Variants in SLCO1B1 observed in about 807,000 individuals in gnomAD.
The protein encoded by SLCO1B1 is OATP-2.
Under a neutral mutation model 70.1 loss-of-function variants are expected in SLCO1B1, and 81 were observed. The ratio of observed to expected loss-of-function variants is 1.16; its 90% confidence interval spans 0.97 to 1.39. The LOEUF (loss-of-function observed/expected upper bound fraction) is 1.39. SLCO1B1 is among the 40% of genes most tolerant of loss of function. The pLI, the probability that SLCO1B1 is intolerant of heterozygous loss-of-function variation, is 0.00. For missense variants in SLCO1B1, 895 were observed against 799.6 expected (o/e 1.12, Z -1.44); for synonymous variants, 283 against 271.5 (o/e 1.04, Z -0.42).
intron 14 of SLCO1B1, among the ~76,000 whole-genome samples, chr12:21,237,808 G>A (rs1467037742): frequency 1.3e-5 from 2 of 151,476 alleles, no homozygotes; most frequent in East Asian, 3.9e-4. Context: ...CCCGCCTCCC[G>A]AGTTCAAGTG....
chr12:21,185,414 A>T (rs950899348), intron 7 of SLCO1B1, among the ~76,000 whole-genome samples: 1 of 152,144 alleles, frequency 6.6e-6, no homozygotes, highest in African/African-American at 2.4e-5. Context: ...ATTCTTGAAC[A>T]AAAGTGCAAT....
rs956963676 is a variant in SLCO1B1, at chr12:21,169,330, C to A, written c.85-3320C>A. Among the ~76,000 whole-genome samples the A allele has an allele frequency of 4.6e-5, 7 of 152,030 alleles. No homozygotes were observed. The East Asian group carries it at 9.6e-4, about 21-fold the overall frequency. On this transcript the variant is annotated intron_variant, in intron 2 of 14. Coordinates refer to ENST00000256958, the MANE Select transcript of SLCO1B1 (RefSeq NM_006446.5). ...GGTCCATAATTTACAAGTTTTCAGA[C>A]CTTTCTCATTTACTTCTCTTCTGGT...
intron 2 of SLCO1B1, among the ~76,000 whole-genome samples, chr12:21,146,851 T>C (rs1460062351): frequency 3.3e-5 from 5 of 152,204 alleles, no homozygotes; most frequent in Non-Finnish European, 4.4e-5. Flanking sequence ...CTGTGGTATA[T>C]ATTGGTGAAT....
chr12:21,208,778 G>C (rs1006595689), intron 11 of SLCO1B1, among the ~76,000 whole-genome samples: 2 of 152,076 alleles, frequency 1.3e-5, no homozygotes, highest in African/African-American at 4.8e-5. Context: ...TTTTCCACTT[G>C]TTTGTGTCAC....
intron 7 of SLCO1B1, among the ~76,000 whole-genome samples, chr12:21,180,135 C>T (rs987557590): frequency 6.6e-6 from 1 of 151,994 alleles, no homozygotes; most frequent in Admixed American, 6.6e-5. Context: ...CTTATTAGTA[C>T]CTAAAGCACA....
In SLCO1B1 at chr12:21,185,303, T is replaced by C. The variant is rs368764276; in HGVS notation, c.727+6283T>C. ...AATACTCCACCCAGCACTATCAGAA[T>C]ATGCTTTCTTCTCATCTGCATATAG... On this transcript the variant is annotated intron_variant, in intron 7 of 14. Transcript: ENST00000256958. 3.9e-4 allele frequency among the ~76,000 whole-genome samples: 60 copies of C among 152,256 alleles called. No homozygotes were observed. The East Asian group carries it at 0.011, about 27-fold the overall frequency.
At chr12:21,230,572 C>T (rs11045882) in intron 14 of SLCO1B1, among the ~76,000 whole-genome samples, 60,070 of 151,644 alleles carry the variant, frequency 0.4, 12,107 homozygotes, top group East Asian at 0.45. Flanking sequence ...TCAGGTGATC[C>T]GCCCACCTCG....
intron 2 of SLCO1B1, among the ~76,000 whole-genome samples, chr12:21,149,604 G>T (rs1249466849): frequency 6.6e-6 from 1 of 152,128 alleles, no homozygotes; most frequent in Non-Finnish European, 1.5e-5. Flanking sequence ...CAAGTTGTCA[G>T]GAAACTTCCT....
intron 13 of SLCO1B1, among the ~76,000 whole-genome samples, chr12:21,223,739 A>G (rs1941455222): frequency 7.4e-6 from 1 of 134,296 alleles, no homozygotes; most frequent in African/African-American, 2.6e-5. Flanking sequence ...ATTCACCACA[A>G]TACAAAAAAA....
chr12:21,194,519 C>A (rs1941069983), intron 7 of SLCO1B1, among the ~76,000 whole-genome samples: 1 of 151,882 alleles, frequency 6.6e-6, no homozygotes, highest in East Asian at 1.9e-4. Context: ...TATTTGAGAC[C>A]TTTTCAGCAT....
intron 2 of SLCO1B1, among the ~76,000 whole-genome samples, chr12:21,161,721 TA>T (rs200985246): frequency 1.5e-4 from 22 of 148,592 alleles, no homozygotes; most frequent in East Asian, 5.9e-4. Context: ...AATGTCAAAT[TA>T]AAAAAAAAAG....
rs570213073 is a variant in SLCO1B1 at position 21,203,229 on chromosome 12, GT to G, written c.1331+550del. ...ATTTTCTTTTTTGCAAGCTAATATTGTTTTTTTCTGATATTATCTACATTGG... is the reference window on the plus strand; with the variant it reads ...ATTTTCTTTTTTGCAAGCTAATATTGTTTTTTCTGATATTATCTACATTGG... On this transcript the variant is annotated intron_variant, in intron 10 of 14. Coordinates refer to ENST00000256958, the MANE Select transcript of SLCO1B1 (RefSeq NM_006446.5). 2.3e-3 allele frequency among the ~76,000 whole-genome samples: 350 copies of G among 151,872 alleles called. 3 individuals carry two copies. The highest frequency in any genetic ancestry group is 0.01 in the Middle Eastern group (3 of 292).
At chr12:21,184,098 T>C (rs1940936248) in intron 7 of SLCO1B1, among the ~76,000 whole-genome samples, 2 of 152,052 alleles carry the variant, frequency 1.3e-5, no homozygotes. Flanking sequence ...TTGGTTTCCT[T>C]CTGTAAAGAA....
intron 12 of SLCO1B1, 31 bp from the exon 13 acceptor site, chr12:21,222,269 T>G (rs1941430171): frequency 1.2e-5 from 15 of 1,200,670 alleles, no homozygotes; most frequent in Non-Finnish European, 1.2e-5. Context: ...TTAATGATAT[T>G]TAATGTTTCT....
chr12:21,219,255 C>T (rs1198021850), intron 12 of SLCO1B1, among the ~76,000 whole-genome samples: 1 of 152,076 alleles, frequency 6.6e-6, no homozygotes, highest in African/African-American at 2.4e-5. Flanking sequence ...AGATATGGTG[C>T]TTTGGAAGTC....
intron 14 of SLCO1B1, among the ~76,000 whole-genome samples, chr12:21,238,559 C>T (rs1941617134): frequency 6.6e-6 from 1 of 151,582 alleles, no homozygotes; most frequent in African/African-American, 2.4e-5. Context: ...CTTTGATAAG[C>T]CTTTATTAAT....
chr12:21,200,440 C>A, intron 8 of SLCO1B1, 68 bp from the exon 9 acceptor site: 1 of 1,088,220 alleles, frequency 9.2e-7, no homozygotes, highest in Non-Finnish European at 1.3e-6. Flanking sequence ...CTTACGTTCA[C>A]AAATTTTAGA....
At chr12:21,204,635 A>G (rs1397647554) in intron 10 of SLCO1B1, among the ~76,000 whole-genome samples, 1 of 152,014 alleles carries the variant, frequency 6.6e-6, no homozygotes, top group Admixed American at 6.6e-5. Flanking sequence ...TGATTGCAAT[A>G]TCTGGACTGG....
At chr12:21,135,033 GTGTT>G (rs1342740776) in intron 1 of SLCO1B1, among the ~76,000 whole-genome samples, 4 of 152,094 alleles carry the variant, frequency 2.6e-5, no homozygotes, top group African/African-American at 9.7e-5. Context: ...CGTATGTTGT[GTGTT>G]TGTTCTCATT....
Sources: allele counts gnomAD v4.1 joint callset (sites outside exome capture counted in the v4.1 genomes callset), GRCh38; gene constraint gnomAD v4.1.1; transcripts MANE v1.5; gene names NCBI Gene and HGNC (gene_info 2026-07-23, HGNC 2026-07-21).